SLC25A20: variants seen among roughly 807,000 people sequenced by gnomAD.
SLC25A20 encodes the protein mitochondrial carnitine/acylcarnitine carrier protein.
A neutral mutation model predicts 39.7 loss-of-function variants in SLC25A20; 29 were observed. The ratio of observed to expected loss-of-function variants is 0.73; its 90% CI spans 0.54 to 1.00. The LOEUF is 1.00. Ranked by LOEUF, SLC25A20 falls within the 50% of genes least tolerant of loss-of-function variation. SLC25A20 has a pLI of 0.00. For missense variants in SLC25A20, 333 were observed against 379.9 expected, an observed-to-expected ratio of 0.88 and a Z score of 1.03; for synonymous variants, 103 against 142.2, an observed-to-expected ratio of 0.72 and a Z score of 1.96.
intron 1 of SLC25A20, among the ~76,000 whole-genome samples, chr3:48,897,870 C>T (rs999092538): frequency 6.6e-6 from 1 of 152,166 alleles, no homozygotes; most frequent in East Asian, 1.9e-4. Context: ...AGTGAGAAAA[C>T]TGGATGCAGC....
chr3:48,858,463 G>C (rs1248223948), intron 8 of SLC25A20, 44 bp downstream of exon 8: 1 of 1,613,378 alleles, frequency 6.2e-7, no homozygotes, highest in East Asian at 2.2e-5. Flanking sequence ...CATGCACCCT[G>C]CCCTGAGCCC....
intron 4 of SLC25A20, among the ~76,000 whole-genome samples, chr3:48,863,792 A>G (rs1299998492): frequency 4.0e-5 from 6 of 151,770 alleles, no homozygotes; most frequent in African/African-American, 7.3e-5. Flanking sequence ...TGAGGCGGGC[A>G]GATCATGAGG....
intron 4 of SLC25A20, among the ~76,000 whole-genome samples, chr3:48,876,085 A>G (rs968346410): frequency 1.3e-5 from 2 of 152,030 alleles, no homozygotes; most frequent in Non-Finnish European, 2.9e-5. Flanking sequence ...GCTCACGCCT[A>G]TAATCCCAGC....
intron 2 of SLC25A20, among the ~76,000 whole-genome samples, chr3:48,888,427 G>A (rs1003172452): frequency 1.2e-4 from 18 of 150,658 alleles, no homozygotes; most frequent in South Asian, 4.2e-4. Flanking sequence ...AAAATTAGCC[G>A]GGCATGGTGG....
chr3:48,886,937 C>A (rs1293703294), intron 2 of SLC25A20, among the ~76,000 whole-genome samples: 2 of 152,166 alleles, frequency 1.3e-5, no homozygotes, highest in Non-Finnish European at 2.9e-5. Flanking sequence ...GAAGAACCTG[C>A]CTCACTGCAG....
intron 4 of SLC25A20, among the ~76,000 whole-genome samples, chr3:48,863,858 T>C (rs578039992): frequency 2.5e-4 from 36 of 146,752 alleles, no homozygotes; most frequent in African/African-American, 8.1e-4. Flanking sequence ...CTACTAAAAA[T>C]ACAAAAATTA....
intron 2 of SLC25A20, among the ~76,000 whole-genome samples, chr3:48,890,651 CTT>C (rs71077750): frequency 2.0e-3 from 159 of 78,122 alleles, no homozygotes; most frequent in Middle Eastern, 9.1e-3. Flanking sequence ...GCCCCCTTGT[CTT>C]TTTTTTTTTT....
intron 1 of SLC25A20, 136 bp downstream of exon 1, chr3:48,898,550 TGAAA>T: frequency 1.2e-6 from 1 of 868,060 alleles, no homozygotes; most frequent in Non-Finnish European, 1.9e-6. Context: ...TGCCCACCCC[TGAAA>T]GAGAGATTCC....
Position 48,879,728 on chromosome 3 carries a change from G to A in SLC25A20, c.327-280C>T, listed in dbSNP as rs1285237588. Among the ~76,000 whole-genome samples the A allele has an allele frequency of 1.3e-5, 2 of 152,156 alleles. 1 individual carries two copies. Among genetic ancestry groups the A allele is most frequent in the Admixed American group, 1.3e-4 (2 of 15,256 alleles). Reference sequence around the variant, plus strand: ...CGCTCAGAATCCCTCACCTGTAAGAGAAGTTTTATATAGTAAAACATGGCT... The same window carrying A: ...CGCTCAGAATCCCTCACCTGTAAGAAAAGTTTTATATAGTAAAACATGGCT... On this transcript the variant is annotated intron_variant, in intron 3 of 8. Transcript: ENST00000319017.
intron 1 of SLC25A20, among the ~76,000 whole-genome samples, chr3:48,893,640 C>T (rs886943268): frequency 6.6e-6 from 1 of 151,850 alleles, no homozygotes; most frequent in African/African-American, 2.4e-5. Flanking sequence ...CTCAGGTGAT[C>T]CTCCCACCTC....
chr3:48,861,318 G>T (rs979343907), intron 5 of SLC25A20, among the ~76,000 whole-genome samples: 1 of 152,138 alleles, frequency 6.6e-6, no homozygotes, highest in Non-Finnish European at 1.5e-5. Flanking sequence ...AGGGATTCTT[G>T]AGAAGTTCCT....
chr3:48,871,558 G>C (rs1413004044), intron 4 of SLC25A20, among the ~76,000 whole-genome samples: 2 of 151,854 alleles, frequency 1.3e-5, no homozygotes, highest in African/African-American at 2.4e-5. Flanking sequence ...ACCTGAAGTA[G>C]GGAGTTCGAG....
chr3:48,896,483 TTTTTG>T (rs144499213), intron 1 of SLC25A20, among the ~76,000 whole-genome samples: 143,877 of 147,100 alleles, frequency 0.98, 70,383 homozygotes, highest in Non-Finnish European at 0.99. Context: ...TTGCAGGTGG[TTTTTG>T]TTTTGTTTTG....
chr3:48,867,124 T>C (rs1398908136), intron 4 of SLC25A20, among the ~76,000 whole-genome samples: 1 of 151,408 alleles, frequency 6.6e-6, no homozygotes, highest in Non-Finnish European at 1.5e-5. Context: ...TATTTTTTTG[T>C]AGAGATGGGG....
At chr3:48,873,924 G>C (rs2083736193) in intron 4 of SLC25A20, among the ~76,000 whole-genome samples, 1 of 133,598 alleles carries the variant, frequency 7.5e-6, no homozygotes, top group Non-Finnish European at 1.5e-5. Context: ...AGCTGAGATT[G>C]CGCTACTGCA....
intron 8 of SLC25A20, 37 bp downstream of exon 8, chr3:48,858,470 G>A: frequency 6.2e-7 from 1 of 1,613,864 alleles, no homozygotes; most frequent in Admixed American, 1.7e-5. Context: ...CCTGCCCTGA[G>A]CCCCAGAGGG....
At chr3:48,896,669 T>A (rs7639332) in intron 1 of SLC25A20, among the ~76,000 whole-genome samples, 1 of 151,524 alleles carries the variant, frequency 6.6e-6, no homozygotes, top group African/African-American at 2.4e-5. Flanking sequence ...TGCCACCACA[T>A]GCAGCCAATT....
intron 4 of SLC25A20, among the ~76,000 whole-genome samples, chr3:48,874,776 G>A (rs1431605243): frequency 6.6e-6 from 1 of 151,956 alleles, no homozygotes; most frequent in African/African-American, 2.4e-5. Flanking sequence ...GCTGGGCATG[G>A]TGGCTCACAC....
rs1472876028 is a variant in SLC25A20, at chr3:48,857,701, C to A, written c.*9G>T. On this transcript the variant is annotated 3_prime_UTR_variant, in exon 9 of 9. Transcript: ENST00000319017. ...AGCATCCAGAAGTGAACTTGAGCAGCCTTCAGCCTCACAAGTTGGGGGTGG... is the reference window on the plus strand; with the variant it reads ...AGCATCCAGAAGTGAACTTGAGCAGACTTCAGCCTCACAAGTTGGGGGTGG... The A allele has an allele frequency of 5.6e-6, 9 of 1,613,476 alleles. No homozygotes were observed. The highest frequency in any genetic ancestry group is 7.6e-6 in the Non-Finnish European group (9 of 1,179,766).
Sources: gnomAD v4.1 joint callset for allele counts (sites outside exome capture counted in the v4.1 genomes callset) on GRCh38, gnomAD v4.1.1 for gene constraint, MANE v1.5 for transcripts, NCBI Gene and HGNC (gene_info 2026-07-23, HGNC 2026-07-21) for gene names.